INPP4B: variants seen among roughly 807,000 people sequenced by gnomAD.
The protein encoded by INPP4B is inositol polyphosphate-4-phosphatase type II B.
In INPP4B, 55 loss-of-function variants were observed where a neutral mutation model predicts 122.5. That is an observed-to-expected ratio of 0.45 (90% CI 0.36 to 0.56). The LOEUF (loss-of-function observed/expected upper bound fraction) is 0.56. Ranked by LOEUF, INPP4B falls within the 20% of genes least tolerant of loss-of-function variation. The pLI, the probability that INPP4B is intolerant of heterozygous loss-of-function variation, is 0.00. For synonymous variants in INPP4B, 403 were observed against 388.7 expected (o/e 1.04, Z -0.43); for missense variants, 1,000 against 1,097.7 (o/e 0.91, Z 1.26).
chr4:142,085,384 G>A (rs1226854103), intron 24 of INPP4B, among the ~76,000 whole-genome samples: 1 of 152,144 alleles, frequency 6.6e-6, no homozygotes, highest in Non-Finnish European at 1.5e-5. Context: ...TGCAAACATG[G>A]CATTTATCAT....
intron 7 of INPP4B, among the ~76,000 whole-genome samples, chr4:142,350,710 C>A (rs1285288136): frequency 6.6e-6 from 1 of 151,952 alleles, no homozygotes; most frequent in Admixed American, 6.6e-5. Flanking sequence ...TTTAAAAGAG[C>A]AAAAATGTTA....
chr4:142,420,551 T>C (rs1806660973), intron 5 of INPP4B, among the ~76,000 whole-genome samples: 2 of 152,208 alleles, frequency 1.3e-5, no homozygotes, highest in South Asian at 4.2e-4. Context: ...CTTCCTTCAA[T>C]TAAATAACTA....
At chr4:142,285,714 A>G (rs1192735779) in intron 9 of INPP4B, among the ~76,000 whole-genome samples, 4 of 152,052 alleles carry the variant, frequency 2.6e-5, no homozygotes, top group Admixed American at 6.6e-5. Flanking sequence ...AGGCTGCTAG[A>G]GCCAGAGTAG....
chr4:142,303,653 G>A (rs577100354), intron 9 of INPP4B, among the ~76,000 whole-genome samples: 1 of 151,982 alleles, frequency 6.6e-6, no homozygotes, highest in Non-Finnish European at 1.5e-5. Context: ...ATTTGGCAAA[G>A]CACAAAACTG....
At chr4:142,290,080 C>T (rs1209372209) in intron 9 of INPP4B, among the ~76,000 whole-genome samples, 1 of 151,098 alleles carries the variant, frequency 6.6e-6, no homozygotes. Flanking sequence ...CTCTTCTGCT[C>T]AAAACTCTGC....
chr4:142,028,687 A>C lies in INPP4B; in HGVS notation c.*95T>G. 1 of 1,343,814 alleles carries C rather than the reference A, an allele frequency of 7.4e-7. No homozygotes were observed. Among genetic ancestry groups the C allele is most frequent in the Non-Finnish European group, 1.0e-6 (1 of 980,084 alleles). 83.2% of individuals were successfully genotyped at this position (1,343,814 alleles called of 1,614,324 possible). A position where few individuals can be genotyped will look rare whatever the true frequency, so the allele number is the denominator to read the frequency against. ...CATCTGTGATCATCTCCCCCACCAC[A>C]AATTCATGACAATAAAAACAAACAA... On this transcript the variant is annotated 3_prime_UTR_variant, in exon 26 of 26. Coordinates refer to ENST00000262992, the MANE Select transcript of INPP4B (RefSeq NM_001101669.3).
chr4:142,045,095 CTAAG>C (rs1433041314), intron 25 of INPP4B, among the ~76,000 whole-genome samples: 1 of 152,130 alleles, frequency 6.6e-6, no homozygotes, highest in African/African-American at 2.4e-5. Context: ...ACCTGTGCTG[CTAAG>C]TGTGTTTGAA....
At chr4:142,293,713 AT>A (rs1407161531) in intron 9 of INPP4B, among the ~76,000 whole-genome samples, 3 of 152,202 alleles carry the variant, frequency 2.0e-5, no homozygotes, top group Admixed American at 2.0e-4. Context: ...TAGCTACGCT[AT>A]GACACAGAAC....
At chr4:142,787,362 G>C (rs531722308) in intron 1 of INPP4B, among the ~76,000 whole-genome samples, 8 of 152,196 alleles carry the variant, frequency 5.3e-5, no homozygotes, top group African/African-American at 1.4e-4. Context: ...AAAAGAACAA[G>C]TTTGGCCCCT....
At chr4:142,632,345 C>A (rs900042985) in intron 2 of INPP4B, among the ~76,000 whole-genome samples, 1 of 152,002 alleles carries the variant, frequency 6.6e-6, no homozygotes, top group Non-Finnish European at 1.5e-5. Flanking sequence ...CACAGAAAGA[C>A]AAATATTACA....
chr4:142,718,151 G>A (rs2075631237), intron 2 of INPP4B, among the ~76,000 whole-genome samples: 1 of 152,106 alleles, frequency 6.6e-6, no homozygotes, highest in African/African-American at 2.4e-5. Flanking sequence ...GAATGCAGCA[G>A]CAGAAAAGCA....
At chr4:142,415,716 C>A (rs563203524) in intron 5 of INPP4B, among the ~76,000 whole-genome samples, 74 of 152,202 alleles carry the variant, frequency 4.9e-4, no homozygotes, top group Non-Finnish European at 7.2e-4. Flanking sequence ...ATGTTTATTA[C>A]GGCACTATTC....
At chr4:142,099,154 G>A (rs953852153) in intron 23 of INPP4B, among the ~76,000 whole-genome samples, 7 of 152,082 alleles carry the variant, frequency 4.6e-5, no homozygotes, top group African/African-American at 1.7e-4. Context: ...ATGGATAAAA[G>A]ACTTACTGGA....
intron 6 of INPP4B, 28 bp from the exon 7 acceptor site, chr4:142,403,082 A>G (rs1380871725): frequency 3.2e-6 from 4 of 1,249,808 alleles, no homozygotes; most frequent in African/African-American, 2.9e-5. Context: ...GACAACTTTG[A>G]TTCAATAAGG....
intron 2 of INPP4B, among the ~76,000 whole-genome samples, chr4:142,515,804 T>C (rs1263873583): frequency 1.3e-5 from 2 of 152,244 alleles, no homozygotes; most frequent in Non-Finnish European, 2.9e-5. Flanking sequence ...AACTATAGTG[T>C]GATTTTCTCA....
intron 1 of INPP4B, among the ~76,000 whole-genome samples, chr4:142,812,878 A>G (rs927374037): frequency 6.6e-6 from 1 of 152,156 alleles, no homozygotes; most frequent in Admixed American, 6.6e-5. Flanking sequence ...CCCATCTGGA[A>G]CATCTTACCA....
At chr4:142,625,555 G>A (rs1021503773) in intron 2 of INPP4B, among the ~76,000 whole-genome samples, 3 of 152,154 alleles carry the variant, frequency 2.0e-5, no homozygotes, top group Non-Finnish European at 4.4e-5. Context: ...TGGCCATACT[G>A]CCCAAGGTAA....
chr4:142,108,024 G>T, intron 23 of INPP4B, 69 bp downstream of exon 23: 1 of 816,640 alleles, frequency 1.2e-6, no homozygotes, highest in Non-Finnish European at 2.1e-6. Flanking sequence ...TGACCTCTAT[G>T]TCTGACCTCT....
intron 2 of INPP4B, among the ~76,000 whole-genome samples, chr4:142,692,540 T>G (rs1760340350): frequency 6.6e-6 from 1 of 152,176 alleles, no homozygotes; most frequent in African/African-American, 2.4e-5. Flanking sequence ...CATCTTTTAT[T>G]CTAAACAATT....
Sources: gnomAD v4.1 joint callset for allele counts (sites outside exome capture counted in the v4.1 genomes callset) on GRCh38, gnomAD v4.1.1 for gene constraint, MANE v1.5 for transcripts, NCBI Gene and HGNC (gene_info 2026-07-23, HGNC 2026-07-21) for gene names.